The following FYB1 variants were observed in gnomAD, a reference collection of about 807,000 sequenced individuals.
FYB1 encodes FYN-binding protein 1.
A neutral mutation model predicts 94.1 loss-of-function variants in FYB1; 41 were observed. That is an observed-to-expected ratio of 0.44 (90% CI 0.34 to 0.57). The LOEUF is 0.57. Among genes scored for constraint, FYB1 ranks in the 20% least tolerant of loss-of-function variants. The pLI is 0.02. For synonymous variants in FYB1, 367 were observed against 353.2 expected (o/e 1.04, Z -0.44); for missense variants, 1,050 against 976.8 (o/e 1.07, Z -1.00).
chr5:39,134,675 A>G (rs1399668278), intron 8 of FYB1, among the ~76,000 whole-genome samples, 180 bp downstream of exon 8: 1 of 152,208 alleles, frequency 6.6e-6, no homozygotes, highest in Non-Finnish European at 1.5e-5. Flanking sequence ...TGTTTCCCAC[A>G]ATATAGATAA....
At chr5:39,187,545 T>C (rs1450324742) in intron 2 of FYB1, among the ~76,000 whole-genome samples, 1 of 152,182 alleles carries the variant, frequency 6.6e-6, no homozygotes, top group Non-Finnish European at 1.5e-5. Context: ...CAGTTGCACT[T>C]GGGCAATAAT....
intron 1 of FYB1, among the ~76,000 whole-genome samples, chr5:39,264,527 G>A (rs1025658685): frequency 2.0e-5 from 3 of 152,182 alleles, no homozygotes; most frequent in African/African-American, 7.2e-5. Context: ...GCCATCTCTT[G>A]TCACTCTCTT....
intron 9 of FYB1, among the ~76,000 whole-genome samples, chr5:39,130,881 C>T (rs894736702): frequency 6.6e-5 from 10 of 152,036 alleles, no homozygotes; most frequent in African/African-American, 2.4e-4. Context: ...TTGCTTTTGA[C>T]ATTTTTGTAT....
rs555054257 is a variant in FYB1, at chr5:39,171,133, CA to C, written c.1136-17530del. On this transcript the variant is annotated intron_variant, in intron 2 of 18. Transcript: ENST00000512982. ...TGAAACCCCGTCTCTACTAAAAATA[CA>C]AAAAAATTAGCTGGATGTGGTAGCA... Among the ~76,000 whole-genome samples, 25 of 151,752 alleles carry C rather than the reference CA, an allele frequency of 1.6e-4. No homozygotes were observed. The East Asian group carries it at 4.5e-3, about 27-fold the overall frequency.
chr5:39,251,593 A>G (rs901112821), intron 1 of FYB1, among the ~76,000 whole-genome samples: 13 of 152,202 alleles, frequency 8.5e-5, no homozygotes, highest in Non-Finnish European at 1.9e-4. Context: ...GGTGCACCCT[A>G]TACATAGGAA....
chr5:39,198,478 T>A (rs1214162170), intron 2 of FYB1, among the ~76,000 whole-genome samples: 4 of 152,134 alleles, frequency 2.6e-5, no homozygotes, highest in African/African-American at 4.8e-5. Context: ...AAAGTTAAAA[T>A]CCCATGTACA....
chr5:39,199,624 T>C (rs1239430273), intron 2 of FYB1, among the ~76,000 whole-genome samples: 1 of 152,186 alleles, frequency 6.6e-6, no homozygotes, highest in Non-Finnish European at 1.5e-5. Flanking sequence ...GCACATAATA[T>C]TCTACTTCAT....
At chr5:39,238,675 C>G (rs966412673) in intron 1 of FYB1, among the ~76,000 whole-genome samples, 1 of 152,028 alleles carries the variant, frequency 6.6e-6, no homozygotes, top group African/African-American at 2.4e-5. Context: ...TCTACAACAG[C>G]CAGCATCAAA....
chr5:39,258,646 G>A (rs952995336), intron 1 of FYB1, among the ~76,000 whole-genome samples: 1 of 151,986 alleles, frequency 6.6e-6, no homozygotes, highest in African/African-American at 2.4e-5. Context: ...CAAAAACCCA[G>A]AAGATATGGA....
intron 2 of FYB1, among the ~76,000 whole-genome samples, chr5:39,187,583 G>A (rs1368421910): frequency 6.6e-6 from 1 of 152,170 alleles, no homozygotes; most frequent in Non-Finnish European, 1.5e-5. Context: ...AAGATGCAGT[G>A]TTTTTAGCTC....
intron 2 of FYB1, among the ~76,000 whole-genome samples, chr5:39,197,795 C>T (rs745523858): frequency 4.9e-4 from 75 of 152,294 alleles, no homozygotes; most frequent in Non-Finnish European, 9.0e-4. Flanking sequence ...ACTTGGGTGC[C>T]GCCTACTGCT....
At chr5:39,164,364 A>C (rs1216109432) in intron 2 of FYB1, among the ~76,000 whole-genome samples, 1 of 152,242 alleles carries the variant, frequency 6.6e-6, no homozygotes, top group African/African-American at 2.4e-5. Flanking sequence ...TTAAAACAAA[A>C]GAAATCAATC....
At chr5:39,181,580 G>A (rs1746236429) in intron 2 of FYB1, among the ~76,000 whole-genome samples, 1 of 152,084 alleles carries the variant, frequency 6.6e-6, no homozygotes, top group South Asian at 2.1e-4. Context: ...TGCACTGCCT[G>A]CTTATTTGAC....
chr5:39,171,286 C>T (rs1439153489), intron 2 of FYB1, among the ~76,000 whole-genome samples: 2 of 140,526 alleles, frequency 1.4e-5, no homozygotes, highest in Non-Finnish European at 3.1e-5. Context: ...ACTCTGTCTC[C>T]AAAAAAAAAA....
chr5:39,207,176 A>G (rs1227490318), intron 1 of FYB1, among the ~76,000 whole-genome samples: 5 of 152,172 alleles, frequency 3.3e-5, no homozygotes, highest in Non-Finnish European at 7.4e-5. Context: ...GAATTTGCAA[A>G]TTCAAATTCA....
At chr5:39,176,512 A>G (rs1160069093) in intron 2 of FYB1, among the ~76,000 whole-genome samples, 1 of 152,164 alleles carries the variant, frequency 6.6e-6, no homozygotes, top group African/African-American at 2.4e-5. Context: ...CTGCTATTAC[A>G]ATCATTAACA....
intron 1 of FYB1, among the ~76,000 whole-genome samples, chr5:39,253,137 T>C (rs1382114875): frequency 6.6e-6 from 1 of 152,224 alleles, no homozygotes; most frequent in Non-Finnish European, 1.5e-5. Context: ...TCTATTAAGC[T>C]AATTCTTTGA....
chr5:39,138,515 A>G, intron 6 of FYB1, 142 bp downstream of exon 6: 1 of 502,978 alleles, frequency 2.0e-6, no homozygotes, highest in Non-Finnish European at 3.6e-6. Context: ...GGTCCTTTAA[A>G]TTGAAATAAA....
chr5:39,201,868 T>G lies in FYB1; in HGVS notation c.1093A>C (p.Asn365His), dbSNP rs745407324. 6.2e-7 allele frequency: 1 copy of G among 1,613,860 alleles called. No individual in the cohort carries two copies. Among genetic ancestry groups the G allele is most frequent in the Admixed American group, 1.7e-5 (1 of 60,008 alleles). ...TTGTGGAATTTCGTCAGGTCAACAT[T>G]TGGTGGTCTGTTGGGTTTTGGTGGA... is the stretch of plus-strand genomic sequence containing the variant. ...PPPPKPNRPPNVDLTKFHKTS... is the reference protein window; with the variant it reads ...PPPPKPNRPPHVDLTKFHKTS... Residue 365 changes from asparagine to histidine, a missense_variant, in exon 2 of 19, where the codon AAT becomes CAT. Asn to His is a moderately conservative substitution (Grantham distance 68, BLOSUM62 1). Transcript: ENST00000512982.
Sources: allele counts gnomAD v4.1 joint callset (sites outside exome capture counted in the v4.1 genomes callset), GRCh38; gene constraint gnomAD v4.1.1; transcripts MANE v1.5; gene names NCBI Gene and HGNC (gene_info 2026-07-23, HGNC 2026-07-21).